The following EHMT1 variants were observed in gnomAD, a reference collection of about 807,000 sequenced individuals.
EHMT1 encodes the protein histone-lysine N-methyltransferase EHMT1.
A neutral mutation model predicts 147.2 loss-of-function variants in EHMT1; 15 were observed. The observed-to-expected ratio is 0.10, with a 90% CI of 0.07 to 0.16. EHMT1 has a LOEUF of 0.16. Ranked by LOEUF, EHMT1 falls within the 10% of genes least tolerant of loss-of-function variation. The probability of loss-of-function intolerance (pLI) is 1.00; values close to 1 mark genes in which losing one functional copy is unlikely to be tolerated. For synonymous variants in EHMT1, 795 were observed against 709.6 expected (o/e 1.12, Z -1.91); for missense variants, 1,587 against 1,772.4 (o/e 0.90, Z 1.88).
At chr9:137,676,111 G>C (rs1370299002) in intron 1 of EHMT1, 1 of 149,086 alleles carries the variant, frequency 6.7e-6, no homozygotes, top group Non-Finnish European at 1.5e-5. Context: ...GTAGAGATGG[G>C]GTTTCACCAT....
At chr9:137,681,213 G>A (rs1041306991) in intron 1 of EHMT1, among the ~76,000 whole-genome samples, 12 of 152,136 alleles carry the variant, frequency 7.9e-5, no homozygotes, top group South Asian at 6.2e-4. Flanking sequence ...CTCTGTCCCC[G>A]GGGAGCTGTC....
At chr9:137,620,480 A>G (rs1169371221) in intron 1 of EHMT1, among the ~76,000 whole-genome samples, 2 of 152,190 alleles carry the variant, frequency 1.3e-5, no homozygotes. Context: ...CAGAGGCATG[A>G]TCACTGCTCA....
intron 1 of EHMT1, among the ~76,000 whole-genome samples, chr9:137,635,406 G>A (rs1240486265): frequency 6.6e-6 from 1 of 151,176 alleles, no homozygotes; most frequent in African/African-American, 2.4e-5. Flanking sequence ...TGGTAGAGAC[G>A]GAGTTTCACC....
At chr9:137,788,629 TCGGGGACTGGGAGAG>T (rs1191478563) in intron 15 of EHMT1, 1 of 152,262 alleles carries the variant, frequency 6.6e-6, no homozygotes, top group Non-Finnish European at 1.5e-5. Flanking sequence ...TCTTGTCCCC[TCGGGGACTGGGAGAG>T]CGACTGTGCC....
chr9:137,781,203 A>AGACGTGTGGTGACGACGCTGG (rs1564748754), intron 14 of EHMT1, among the ~76,000 whole-genome samples: 1 of 68,840 alleles, frequency 1.5e-5, no homozygotes, highest in Non-Finnish European at 2.5e-5. Flanking sequence ...GACGACGCTG[A>AGACGTGTGGTGACGACGCTGG]GACGTGTGGT....
At chr9:137,739,058 T>A (rs1406804617) in intron 4 of EHMT1, among the ~76,000 whole-genome samples, 2 of 149,592 alleles carry the variant, frequency 1.3e-5, no homozygotes, top group African/African-American at 2.5e-5. Context: ...TTTTGTGGTG[T>A]GTGTATTTTA....
Position 137,681,260 on chromosome 9 carries a change from G to T in EHMT1, c.22-29707G>T, listed in dbSNP as rs1167028587. ...GGTGATGGAATCTGCCACATTTTCAGTGTTTTTGCCGCGTGTCTGTAACCA... is the reference window on the plus strand; with the variant it reads ...GGTGATGGAATCTGCCACATTTTCATTGTTTTTGCCGCGTGTCTGTAACCA... On this transcript the variant is annotated intron_variant, in intron 1 of 26. Coordinates refer to ENST00000460843, the MANE Select transcript of EHMT1 (RefSeq NM_024757.5). Among the ~76,000 whole-genome samples, 3 of 152,184 alleles carry T rather than the reference G, an allele frequency of 2.0e-5. No individual in the cohort carries two copies. In the South Asian group the frequency reaches 6.2e-4, roughly 32 times the overall value.
Position 137,798,727 on chromosome 9 carries a change from C to A in EHMT1, c.2506-86C>A, listed in dbSNP as rs868257150. The stretch of plus-strand genomic sequence containing the variant: ...CAGTACCCCACCCGCATGGTAGACA[C>A]CGGGTTCTCCTGGATCCCGCACTCA... On this transcript the variant is annotated intron_variant, in intron 16 of 26. Coordinates refer to ENST00000460843, the MANE Select transcript of EHMT1 (RefSeq NM_024757.5). 4 of 1,080,194 alleles carry A rather than the reference C, an allele frequency of 3.7e-6. No individual in the cohort carries two copies. In the Admixed American group the frequency reaches 6.7e-5, roughly 18 times the overall value. The allele number at this position is 1,080,194 out of a possible 1,614,324, so 66.9% of individuals were successfully genotyped here. A position where few individuals can be genotyped will look rare whatever the true frequency, so the allele number is the denominator to read the frequency against.
At chr9:137,768,640 C>T (rs111249155) in intron 10 of EHMT1, among the ~76,000 whole-genome samples, 6,426 of 142,916 alleles carry the variant, frequency 0.045, 469 homozygotes, top group African/African-American at 0.16. Context: ...AGCTCCGCCT[C>T]CCGGGTTCAC....
chr9:137,724,129 C>T (rs1588385205), intron 3 of EHMT1, among the ~76,000 whole-genome samples: 1 of 152,230 alleles, frequency 6.6e-6, no homozygotes, highest in Non-Finnish European at 1.5e-5. Flanking sequence ...CCACACCTCA[C>T]CTCCTGGTAC....
intron 1 of EHMT1, among the ~76,000 whole-genome samples, chr9:137,669,027 C>G (rs981405400): frequency 6.6e-6 from 1 of 152,124 alleles, no homozygotes; most frequent in Non-Finnish European, 1.5e-5. Context: ...GCTGGGACCA[C>G]GTGCGTGCGC....
intron 22 of EHMT1, 144 bp downstream of exon 22, chr9:137,814,652 G>A: frequency 2.2e-6 from 2 of 926,980 alleles, no homozygotes; most frequent in Non-Finnish European, 1.7e-6. Flanking sequence ...GACAGGCAGG[G>A]GAGGCACAGC....
intron 1 of EHMT1, chr9:137,641,153 T>C: frequency 4.9e-6 from 2 of 407,818 alleles, no homozygotes; most frequent in South Asian, 2.0e-5. Flanking sequence ...CTCTCCTAAC[T>C]CATCTGCACC....
intron 1 of EHMT1, among the ~76,000 whole-genome samples, chr9:137,657,559 A>G (rs1410187236): frequency 6.7e-6 from 1 of 148,584 alleles, no homozygotes; most frequent in Non-Finnish European, 1.5e-5. Flanking sequence ...TAGTAGGTGT[A>G]TTTATTTATG....
At position 137,642,183 on chromosome 9, in the gene EHMT1, G is replaced by T. The variant is rs1001519612; in HGVS notation, c.21+23134G>T. 2.0e-5 allele frequency among the ~76,000 whole-genome samples: 3 copies of T among 152,188 alleles called. No homozygotes were observed. The East Asian group carries it at 5.8e-4, about 29-fold the overall frequency. ...TCCCCCAGTCTCTACTTTTCATGTGGGACAGGTAATGCGTTTCATCTAATG... is the reference window on the plus strand; with the variant it reads ...TCCCCCAGTCTCTACTTTTCATGTGTGACAGGTAATGCGTTTCATCTAATG... On this transcript the variant is annotated intron_variant, in intron 1 of 26. Coordinates refer to ENST00000460843, the MANE Select transcript of EHMT1 (RefSeq NM_024757.5).
chr9:137,775,366 G>C lies in EHMT1; in HGVS notation c.1791+114G>C. 1 of 1,475,374 alleles carries C rather than the reference G, an allele frequency of 6.8e-7. No individual in the cohort carries two copies. The highest frequency in any genetic ancestry group is 9.1e-7 in the Non-Finnish European group (1 of 1,092,938). 91.4% of individuals were successfully genotyped at this position (1,475,374 alleles called of 1,614,324 possible). A position where few individuals can be genotyped will look rare whatever the true frequency, so the allele number is the denominator to read the frequency against. ...GTCGGGTGGTCCAGCAGCTGGCCCAGGTCTGGTGTCCGTCTGGAGGTCTCC... is the reference window on the plus strand; with the variant it reads ...GTCGGGTGGTCCAGCAGCTGGCCCACGTCTGGTGTCCGTCTGGAGGTCTCC... On this transcript the variant is annotated intron_variant, in intron 11 of 26. Transcript: ENST00000460843. This position sits in a 1 kb window ranked among gnomAD's most constrained non-coding sequence, Gnocchi z 6.1.
At chr9:137,740,168 A>G (rs1249389082) in intron 4 of EHMT1, among the ~76,000 whole-genome samples, 1 of 152,016 alleles carries the variant, frequency 6.6e-6, no homozygotes, top group African/African-American at 2.4e-5. Context: ...GCAGCTGGGC[A>G]GTGCCCACCC....
At chr9:137,773,374 G>T (rs1253743716) in intron 10 of EHMT1, among the ~76,000 whole-genome samples, 2 of 151,908 alleles carry the variant, frequency 1.3e-5, no homozygotes, top group Non-Finnish European at 2.9e-5. Flanking sequence ...CGCCTTTCAG[G>T]TCTTGTTCCA....
At chr9:137,834,038 G>A in intron 25 of EHMT1, 3 of 463,568 alleles carry the variant, frequency 6.5e-6, no homozygotes, top group Non-Finnish European at 1.2e-5. Flanking sequence ...GGGTGGGATG[G>A]CGCTGTCCAC....
Sources: gnomAD v4.1 joint callset for allele counts (sites outside exome capture counted in the v4.1 genomes callset) on GRCh38, gnomAD v4.1.1 for gene constraint, Gnocchi (gnomAD v3.1) non-coding constraint, MANE v1.5 for transcripts, NCBI Gene and HGNC (gene_info 2026-07-23, HGNC 2026-07-21) for gene names.